GALNT13: variants seen among roughly 807,000 people sequenced by gnomAD.
GALNT13 encodes UDP-GalNAc:polypeptide N-acetylgalactosaminyltransferase 13.
Under a neutral mutation model 64.2 loss-of-function variants are expected in GALNT13, and 28 were observed. The ratio of observed to expected loss-of-function variants is 0.44; its 90% confidence interval spans 0.32 to 0.60. The LOEUF is 0.60. GALNT13 is among the 20% of genes least tolerant of loss of function. The pLI, the probability that GALNT13 is intolerant of heterozygous loss-of-function variation, is 0.05. For synonymous variants in GALNT13, 214 were observed against 224.6 expected, an observed-to-expected ratio of 0.95 and a Z score of 0.42; for missense variants, 577 against 669.8, an observed-to-expected ratio of 0.86 and a Z score of 1.53.
the GALNT13 span, among the ~76,000 whole-genome samples, chr2:153,243,427 C>T: frequency 1.3e-5 from 2 of 152,330 alleles, no homozygotes; most frequent in East Asian, 3.9e-4. Flanking sequence ...CTTATCTACA[C>T]TTCTGTCTGA....
At chr2:153,178,335 A>G in the GALNT13 span, among the ~76,000 whole-genome samples, 1 of 152,178 alleles carries the variant, frequency 6.6e-6, no homozygotes, top group Non-Finnish European at 1.5e-5. Context: ...ACAGTGTACA[A>G]TGGTTCCCTT....
intron 3 of GALNT13, among the ~76,000 whole-genome samples, chr2:154,082,258 G>A (rs1354892887): frequency 6.6e-6 from 1 of 151,636 alleles, no homozygotes; most frequent in Non-Finnish European, 1.5e-5. Flanking sequence ...ATGGAGTTGA[G>A]ATTTGGCTTG....
At chr2:153,183,287 G>C in the GALNT13 span, among the ~76,000 whole-genome samples, 6 of 152,142 alleles carry the variant, frequency 3.9e-5, no homozygotes, top group Non-Finnish European at 8.8e-5. Flanking sequence ...CTTTTGAGAA[G>C]TGTCTGTTAA....
the GALNT13 span, among the ~76,000 whole-genome samples, chr2:153,436,706 G>T: frequency 6.6e-6 from 1 of 152,074 alleles, no homozygotes; most frequent in African/African-American, 2.4e-5. Context: ...GCGTCTATTT[G>T]ATTCTTCTCT....
intron 3 of GALNT13, among the ~76,000 whole-genome samples, chr2:154,138,573 T>TA (rs34134880): frequency 0.033 from 4,507 of 138,142 alleles, 99 homozygotes; most frequent in Middle Eastern, 0.079. Context: ...CAAGATATGT[T>TA]AAAAAAAAAA....
At chr2:153,225,103 A>G in the GALNT13 span, among the ~76,000 whole-genome samples, 1 of 152,218 alleles carries the variant, frequency 6.6e-6, no homozygotes, top group Admixed American at 6.5e-5. Context: ...AGAAGGACGA[A>G]TCCAACAATG....
chr2:153,300,838 A>C, the GALNT13 span, among the ~76,000 whole-genome samples: 3 of 152,194 alleles, frequency 2.0e-5, no homozygotes, highest in Non-Finnish European at 4.4e-5. Context: ...GAAAAATTAA[A>C]GAAAATCATG....
the GALNT13 span, among the ~76,000 whole-genome samples, chr2:153,427,654 CTA>C: frequency 5.3e-5 from 8 of 152,038 alleles, no homozygotes; most frequent in Admixed American, 1.3e-4. Flanking sequence ...TTAAAAGACT[CTA>C]TTTGACATAT....
chr2:154,428,845 G>C (rs1471063823), intron 11 of GALNT13, among the ~76,000 whole-genome samples: 1 of 150,982 alleles, frequency 6.6e-6, no homozygotes, highest in African/African-American at 2.4e-5. Flanking sequence ...GCAGTGGCGC[G>C]ATCTCTGCTC....
At chr2:153,402,030 C>CT in the GALNT13 span, among the ~76,000 whole-genome samples, 1 of 144,874 alleles carries the variant, frequency 6.9e-6, no homozygotes, top group African/African-American at 2.7e-5. Flanking sequence ...TCTCGATGGT[C>CT]TTTACATTTT....
At chr2:153,077,960 A>G in the GALNT13 span, among the ~76,000 whole-genome samples, 2 of 152,134 alleles carry the variant, frequency 1.3e-5, no homozygotes, top group Admixed American at 1.3e-4. Context: ...AATGTTATGT[A>G]TGCTTATTTG....
the GALNT13 span, among the ~76,000 whole-genome samples, chr2:153,397,072 G>A: frequency 6.6e-6 from 1 of 152,112 alleles, no homozygotes; most frequent in African/African-American, 2.4e-5. Context: ...CGTTTAGAAA[G>A]CAATCACAGG....
intron 3 of GALNT13, among the ~76,000 whole-genome samples, chr2:153,951,579 C>G (rs1692186298): frequency 6.6e-6 from 1 of 152,072 alleles, no homozygotes; most frequent in South Asian, 2.1e-4. Context: ...AAGGTCAAGT[C>G]TCTGGATTTT....
the GALNT13 span, among the ~76,000 whole-genome samples, chr2:153,858,201 A>T: frequency 6.6e-6 from 1 of 152,178 alleles, no homozygotes; most frequent in Admixed American, 6.5e-5. Context: ...TAAGTGCATC[A>T]TAGGAAGAGG....
the GALNT13 span, among the ~76,000 whole-genome samples, chr2:153,347,016 T>A: frequency 2.0e-5 from 3 of 152,358 alleles, no homozygotes; most frequent in Admixed American, 1.3e-4. Flanking sequence ...AAGCTTTTCC[T>A]TTTCTTTATC....
the GALNT13 span, among the ~76,000 whole-genome samples, chr2:153,699,157 G>A: frequency 7.2e-5 from 11 of 152,004 alleles, no homozygotes; most frequent in African/African-American, 2.7e-4. Flanking sequence ...GGAGGTAGAG[G>A]TTGCAAAAAA....
At chr2:154,164,142 T>C (rs1684891754) in intron 4 of GALNT13, among the ~76,000 whole-genome samples, 1 of 152,008 alleles carries the variant, frequency 6.6e-6, no homozygotes, top group Non-Finnish European at 1.5e-5. Context: ...AGGCATTACA[T>C]AGAATTATTC....
the GALNT13 span, among the ~76,000 whole-genome samples, chr2:153,311,636 G>C: frequency 6.6e-6 from 1 of 152,296 alleles, no homozygotes; most frequent in South Asian, 2.1e-4. Flanking sequence ...GGCCTCAGAG[G>C]ATCTGTTCAA....
intron 4 of GALNT13, among the ~76,000 whole-genome samples, chr2:154,223,113 A>G (rs969593100): frequency 6.6e-6 from 1 of 152,176 alleles, no homozygotes; most frequent in South Asian, 2.1e-4. Flanking sequence ...AGCATATAAA[A>G]CTATAAAAGG....
Sources: gnomAD v4.1 joint callset for allele counts (sites outside exome capture counted in the v4.1 genomes callset) on GRCh38, gnomAD v4.1.1 for gene constraint, MANE v1.5 for transcripts, NCBI Gene and HGNC (gene_info 2026-07-23, HGNC 2026-07-21) for gene names.